POU2F2: variants seen among roughly 807,000 people sequenced by gnomAD.
POU2F2 encodes POU domain, class 2, transcription factor 2.
A neutral mutation model predicts 63.5 loss-of-function variants in POU2F2; 14 were observed. The ratio of observed to expected loss-of-function variants is 0.22; its 90% confidence interval spans 0.15 to 0.34. The LOEUF is 0.34. POU2F2 is among the 10% of genes least tolerant of loss of function. POU2F2 has a pLI of 1.00. For synonymous variants in POU2F2, 306 were observed against 348.6 expected, an observed-to-expected ratio of 0.88 and a Z score of 1.36; for missense variants, 607 against 815.2, an observed-to-expected ratio of 0.74 and a Z score of 3.11.
intron 1 of POU2F2, among the ~76,000 whole-genome samples, chr19:42,172,678 C>T (rs537759421): frequency 6.6e-6 from 1 of 152,290 alleles, no homozygotes; most frequent in Non-Finnish European, 1.5e-5. Flanking sequence ...TGTGTTTGAA[C>T]AGGCCCAGCC....
chr19:42,118,812 C>G (rs2032234790), intron 4 of POU2F2, among the ~76,000 whole-genome samples: 1 of 152,192 alleles, frequency 6.6e-6, no homozygotes, highest in Non-Finnish European at 1.5e-5. Context: ...AGCCTGATAG[C>G]CCAACACCAT....
In POU2F2 at chr19:42,095,621, A is replaced by T; in HGVS notation, c.944T>A (p.Leu315Gln). 2 of 1,612,956 alleles carry T rather than the reference A, an allele frequency of 1.2e-6. No individual in the cohort carries two copies. Among genetic ancestry groups the T allele is most frequent in the Non-Finnish European group, 1.7e-6 (2 of 1,179,786 alleles). The change falls in exon 10 of 15, where the codon CTG (leucine) becomes CAG (glutamine). Residue 315 changes from leucine (L) to glutamine (Q), a missense_variant. Leu to Gln is a moderately radical substitution (Grantham distance 113, BLOSUM62 -2). Transcript: ENST00000692977. This position sits in a 1 kb window ranked among gnomAD's most constrained non-coding sequence, Gnocchi z 7.1. Reference protein sequence around the residue: ...LSSPSLGFDGLPGRRRKKRTS... With the variant: ...LSSPSLGFDGQPGRRRKKRTS... The stretch of plus-strand genomic sequence containing the variant: ...CCTCTTCTTGCGTCTCCGGCCGGGC[A>T]GGCCGTCGAAACCCAGGCTGGGGCT...
intron 1 of POU2F2, among the ~76,000 whole-genome samples, chr19:42,174,644 A>G (rs2034837588): frequency 6.6e-6 from 1 of 151,634 alleles, no homozygotes; most frequent in South Asian, 2.1e-4. Context: ...GGCCCAGCAC[A>G]CACAGTTAGT....
Position 42,091,533 on chromosome 19 carries a change from C to A in POU2F2, c.1599G>T (p.Val533=), listed in dbSNP as rs2076713536. The A allele has an allele frequency of 2.6e-6, 4 of 1,547,432 alleles. No homozygotes were observed. Among genetic ancestry groups the A allele is most frequent in the Admixed American group, 2.0e-5 (1 of 50,924 alleles). The change falls in exon 15 of 15, where the codon GTG becomes GTT. Residue 533 remains valine, a synonymous_variant. Coordinates refer to ENST00000692977, the MANE Select transcript of POU2F2 (RefSeq NM_001394376.1). Reference sequence around the variant, plus strand: ...CCGGGGCTGCACCGGCTGCCCCCAGCACCAGATTCCCGCTGCCATCAAGGC... The same window carrying A: ...CCGGGGCTGCACCGGCTGCCCCCAGAACCAGATTCCCGCTGCCATCAAGGC... The part of the protein sequence containing the change: ...LTSLDGSGNL[V]LGAAGAAPGS...
At chr19:42,109,856 T>C (rs765138170) in intron 5 of POU2F2, among the ~76,000 whole-genome samples, 1 of 152,208 alleles carries the variant, frequency 6.6e-6, no homozygotes, top group Non-Finnish European at 1.5e-5. Context: ...TTTGAGGTGA[T>C]AAGTATGCTA....
intron 5 of POU2F2, among the ~76,000 whole-genome samples, chr19:42,105,751 A>G (rs768126100): frequency 2.0e-5 from 3 of 152,012 alleles, no homozygotes; most frequent in Non-Finnish European, 2.9e-5. Context: ...CATCCAATCC[A>G]TCTGCAATGC....
chr19:42,146,715 A>G lies in POU2F2; in HGVS notation c.-9+13617T>C, dbSNP rs184399416. ...TCTGGCAAGAAACTTCTCAGTGCCA[A>G]CCAGGCACTTTAGGGTTCACATGGA... is the stretch of plus-strand genomic sequence containing the variant. On this transcript the variant is annotated intron_variant, in intron 2 of 6. Transcript: ENST00000524801. 1.2e-3 allele frequency among the ~76,000 whole-genome samples: 182 copies of G among 152,336 alleles called. 3 individuals are homozygous for G. The highest frequency in any genetic ancestry group is 2.2e-3 in the Admixed American group (34 of 15,302).
At chr19:42,130,111 C>T (rs1005323223) in intron 1 of POU2F2, among the ~76,000 whole-genome samples, 2 of 152,246 alleles carry the variant, frequency 1.3e-5, no homozygotes, top group African/African-American at 2.4e-5. Context: ...GCCAGACACA[C>T]GTAAAAAGTA....
At chr19:42,183,025 G>A (rs2034979458) in intron 1 of POU2F2, among the ~76,000 whole-genome samples, 1 of 152,310 alleles carries the variant, frequency 6.6e-6, no homozygotes, top group Middle Eastern at 3.4e-3. Flanking sequence ...AGGAGCAGCT[G>A]GAGTGGGATG....
At chr19:42,148,207 A>T (rs2034271020) in intron 2 of POU2F2, among the ~76,000 whole-genome samples, 1 of 150,868 alleles carries the variant, frequency 6.6e-6, no homozygotes, top group South Asian at 2.1e-4. Flanking sequence ...CCCAGCTGAC[A>T]CCTGGTTCTT....
upstream of POU2F2, among the ~76,000 whole-genome samples, chr19:42,180,731 T>A (rs1461693619): frequency 6.6e-6 from 1 of 152,148 alleles, no homozygotes; most frequent in African/African-American, 2.4e-5. Flanking sequence ...TCTGTTTGTT[T>A]GTTTGTTTGT....
intron 5 of POU2F2, chr19:42,116,876 AGGC>A (rs555150584): frequency 0.012 from 5,161 of 446,478 alleles, 49 homozygotes; most frequent in South Asian, 0.015. Flanking sequence ...GAGGAGGCGG[AGGC>A]GGCGGCGGCG....
rs894299348 is a variant in POU2F2, at chr19:42,093,865, G to A, written c.1228C>T (p.Pro410Ser). The A allele has an allele frequency of 2.2e-5, 36 of 1,611,954 alleles. No homozygotes were observed. The highest frequency in any genetic ancestry group is 2.9e-5 in the Non-Finnish European group (34 of 1,178,474). The part of the protein sequence containing the change: ...VTPQGGAGTL[P>S]LSQASSSLST... ...AGACTGCTGGAAGCTTGGGACAACG[G>A]TAAGGTCCCCGCGCCCCCTTGGGGT... The change falls in exon 12 of 15, where the codon CCG (proline) becomes TCG (serine). Residue 410 changes from proline (P) to serine (S), a missense_variant. Transcript: ENST00000692977.
intron 5 of POU2F2, among the ~76,000 whole-genome samples, chr19:42,110,080 A>G (rs1007645411): frequency 6.6e-6 from 1 of 151,244 alleles, no homozygotes; most frequent in Non-Finnish European, 1.5e-5. Context: ...ACATAGTGAA[A>G]CCCCATCTCC....
At position 42,155,941 on chromosome 19, in the gene POU2F2, G is replaced by A. The variant is rs75732564; in HGVS notation, c.-9+4391C>T. The A allele has an allele frequency of 0.1, 15,688 of 152,414 alleles. 963 individuals carry two copies. The highest frequency in any genetic ancestry group is 0.21 in the Middle Eastern group (62 of 300). The allele number at this position is 152,414 out of a possible 1,614,324, so 9.4% of individuals were successfully genotyped here. On this transcript the variant is annotated intron_variant, in intron 2 of 6. Transcript: ENST00000524801. The surrounding 1 kb of genome is among the most constrained non-coding windows in gnomAD (Gnocchi z 4.2). Reference sequence around the variant, plus strand: ...GAAGAGGAAAGGAAGGAAAGCCAGGGGCAGAGACCTGGCAGGGCAGCGTGA... The same window carrying A: ...GAAGAGGAAAGGAAGGAAAGCCAGGAGCAGAGACCTGGCAGGGCAGCGTGA...
At chr19:42,101,166 G>A (rs2077127525) in intron 5 of POU2F2, among the ~76,000 whole-genome samples, 1 of 152,082 alleles carries the variant, frequency 6.6e-6, no homozygotes, top group Admixed American at 6.6e-5. Flanking sequence ...TTCATGTCTG[G>A]AATTAGCTTT....
Position 42,089,333 on chromosome 19 carries a change from G to A in POU2F2, c.*1924C>T, listed in dbSNP as rs2076642975. Reference sequence around the variant, plus strand: ...GAGAACCGAAAAAGAAATCAAAGGAGGAATCAAACCACCCAAAAGTTGTTA... The same window carrying A: ...GAGAACCGAAAAAGAAATCAAAGGAAGAATCAAACCACCCAAAAGTTGTTA... On this transcript the variant is annotated 3_prime_UTR_variant, in exon 15 of 15. Coordinates refer to ENST00000692977, the MANE Select transcript of POU2F2 (RefSeq NM_001394376.1). The A allele has an allele frequency of 6.6e-6, 1 of 152,524 alleles. No homozygotes were observed. The highest frequency in any genetic ancestry group is 1.5e-5 in the Non-Finnish European group (1 of 68,016). 9.4% of individuals were successfully genotyped at this position (152,524 alleles called of 1,614,324 possible).
At chr19:42,114,318 G>A (rs1351329136) in intron 5 of POU2F2, among the ~76,000 whole-genome samples, 3 of 152,188 alleles carry the variant, frequency 2.0e-5, no homozygotes, top group East Asian at 1.9e-4. Context: ...ATATTTCCTC[G>A]AGCAGATTCA....
Position 42,162,431 on chromosome 19 carries a change from A to C in POU2F2, c.-69-2039T>G, listed in dbSNP as rs959228403. Among the ~76,000 whole-genome samples the C allele has an allele frequency of 2.0e-5, 3 of 151,954 alleles. No homozygotes were observed. The highest frequency in any genetic ancestry group is 7.3e-5 in the African/African-American group (3 of 41,364). On this transcript the variant is annotated intron_variant, in intron 1 of 6. Coordinates refer to the POU2F2 transcript ENST00000524801. The surrounding 1 kb of genome is among the most constrained non-coding windows in gnomAD (Gnocchi z 4.1). ...AGCTATTTAGAAGATGTCTTCCCCC[A>C]TTGTACAGATGGGGACCCTGAGGAA...
Sources: allele counts gnomAD v4.1 joint callset (sites outside exome capture counted in the v4.1 genomes callset), GRCh38; gene constraint gnomAD v4.1.1; non-coding constraint Gnocchi (gnomAD v3.1); transcripts MANE v1.5; gene names NCBI Gene and HGNC (gene_info 2026-07-23, HGNC 2026-07-21).